CSNK1G1: variants seen among roughly 807,000 people sequenced by gnomAD.
The protein encoded by CSNK1G1 is casein kinase 1 gamma 1, also known as casein kinase I isoform gamma-1.
In CSNK1G1, 22 loss-of-function variants were observed where a neutral mutation model predicts 59.6. The observed-to-expected ratio is 0.37, with a 90% CI of 0.26 to 0.53. The LOEUF is 0.53. CSNK1G1 is among the 20% of genes least tolerant of loss of function. The probability of loss-of-function intolerance (pLI) is 0.89; values close to 1 mark genes in which losing one functional copy is unlikely to be tolerated. For synonymous variants in CSNK1G1, 179 were observed against 177.1 expected, an observed-to-expected ratio of 1.01 and a Z score of -0.08; for missense variants, 384 against 519.5, an observed-to-expected ratio of 0.74 and a Z score of 2.54.
At chr15:64,295,416 C>T (rs193182097) in intron 2 of CSNK1G1, among the ~76,000 whole-genome samples, 1 of 152,254 alleles carries the variant, frequency 6.6e-6, no homozygotes, top group Admixed American at 6.5e-5. Flanking sequence ...TGACTTCTTC[C>T]CATCAAATAA....
intron 1 of CSNK1G1, chr15:64,315,836 C>T (rs1169024522): frequency 3.9e-5 from 6 of 152,150 alleles, no homozygotes; most frequent in South Asian, 2.1e-4. Flanking sequence ...ATTCCTCCCT[C>T]GAGAGACTTA....
intron 2 of CSNK1G1, among the ~76,000 whole-genome samples, chr15:64,298,232 A>G (rs1235636163): frequency 6.6e-6 from 1 of 152,234 alleles, no homozygotes; most frequent in Admixed American, 6.5e-5. Flanking sequence ...ACAGATTTCC[A>G]CTTTTAATTC....
At chr15:64,211,783 A>G (rs528722796) in intron 6 of CSNK1G1, among the ~76,000 whole-genome samples, 48 of 152,302 alleles carry the variant, frequency 3.2e-4, no homozygotes, top group South Asian at 1.0e-3. Context: ...CAGGATTTGC[A>G]TCCTTTTTCT....
chr15:64,196,795 T>G (rs976992207), intron 10 of CSNK1G1, among the ~76,000 whole-genome samples: 13 of 130,174 alleles, frequency 1.0e-4, no homozygotes, highest in African/African-American at 4.5e-4. Flanking sequence ...TCTGTGTGTG[T>G]TTTTTTTTTT....
intron 2 of CSNK1G1, 124 bp from the exon 3 acceptor site, chr15:64,259,365 T>C: frequency 1.5e-6 from 1 of 647,292 alleles, no homozygotes; most frequent in Non-Finnish European, 2.6e-6. Flanking sequence ...AAATGAAACT[T>C]GATTTATAAG....
At chr15:64,238,319 T>A in intron 4 of CSNK1G1, among the ~76,000 whole-genome samples, 1 of 150,572 alleles carries the variant, frequency 6.6e-6, no homozygotes, top group African/African-American at 2.4e-5. Context: ...CAAGATCCCA[T>A]CTCTATAAAA....
At chr15:64,250,215 C>T (rs1344812589) in intron 4 of CSNK1G1, among the ~76,000 whole-genome samples, 1 of 152,082 alleles carries the variant, frequency 6.6e-6, no homozygotes, top group Non-Finnish European at 1.5e-5. Context: ...AAATCTTATG[C>T]CAAAAACACT....
chr15:64,243,952 T>C (rs954077764), intron 4 of CSNK1G1, among the ~76,000 whole-genome samples: 4 of 151,946 alleles, frequency 2.6e-5, no homozygotes, highest in Non-Finnish European at 4.4e-5. Context: ...GTGGATCACC[T>C]GAGGTCAGGA....
chr15:64,199,112 G>A lies in CSNK1G1; in HGVS notation c.1107+3970C>T, dbSNP rs1365754578. On this transcript the variant is annotated intron_variant, in intron 10 of 11. Coordinates refer to ENST00000303052, the MANE Select transcript of CSNK1G1 (RefSeq NM_022048.5). ...AAAAAAAAAAAAAAATTAGCTGGGC[G>A]TGGTGGCGTGTGCCTGTAGTCCCAG... Among the ~76,000 whole-genome samples, 6 of 150,784 alleles carry A rather than the reference G, an allele frequency of 4.0e-5. No homozygotes were observed. The East Asian group carries it at 7.7e-4, about 19-fold the overall frequency.
chr15:64,229,411 T>A (rs2082509739), intron 4 of CSNK1G1, among the ~76,000 whole-genome samples: 2 of 152,228 alleles, frequency 1.3e-5, no homozygotes, highest in Non-Finnish European at 2.9e-5. Flanking sequence ...TCTATCTGCC[T>A]GCCTGGGAAA....
rs941608961 is a variant in CSNK1G1 at position 64,167,909 on chromosome 15, C to T, written c.*4022G>A. On this transcript the variant is annotated 3_prime_UTR_variant, in exon 12 of 12. Coordinates refer to ENST00000303052, the MANE Select transcript of CSNK1G1 (RefSeq NM_022048.5). The stretch of plus-strand genomic sequence containing the variant: ...TATCTTTTACATAAAAAAGTTAAGG[C>T]TATAATCTTTAGTAACCACTTTGAC... The T allele has an allele frequency of 2.0e-5, 3 of 152,210 alleles. No individual in the cohort carries two copies. The highest frequency in any genetic ancestry group is 7.2e-5 in the African/African-American group (3 of 41,460). 9.4% of individuals were successfully genotyped at this position (152,210 alleles called of 1,614,324 possible). A position where few individuals can be genotyped will look rare whatever the true frequency, so the allele number is the denominator to read the frequency against.
intron 10 of CSNK1G1, among the ~76,000 whole-genome samples, chr15:64,197,872 G>A (rs2082056902): frequency 6.6e-6 from 1 of 152,024 alleles, no homozygotes; most frequent in Non-Finnish European, 1.5e-5. Context: ...TTGTCTCCTA[G>A]GACTCCTTTA....
intron 4 of CSNK1G1, among the ~76,000 whole-genome samples, chr15:64,227,558 T>C (rs1277902008): frequency 6.6e-6 from 1 of 152,218 alleles, no homozygotes; most frequent in Non-Finnish European, 1.5e-5. Flanking sequence ...AATCATCTAA[T>C]ATGAAAGGAA....
At chr15:64,185,769 G>A (rs1478290200) in intron 10 of CSNK1G1, among the ~76,000 whole-genome samples, 1 of 151,492 alleles carries the variant, frequency 6.6e-6, no homozygotes, top group Non-Finnish European at 1.5e-5. Context: ...GAGGCTGACA[G>A]GAGAATCGCT....
intron 3 of CSNK1G1, among the ~76,000 whole-genome samples, chr15:64,257,068 T>A (rs748316533): frequency 2.6e-5 from 4 of 151,864 alleles, no homozygotes; most frequent in Non-Finnish European, 5.9e-5. Context: ...TGAAAGCCTG[T>A]AGACAAAACT....
intron 2 of CSNK1G1, among the ~76,000 whole-genome samples, chr15:64,291,416 A>G (rs1348312762): frequency 1.3e-5 from 2 of 151,968 alleles, no homozygotes; most frequent in Non-Finnish European, 2.9e-5. Context: ...GTGAAACCCC[A>G]TCTTTACTAA....
At chr15:64,310,706 C>G (rs935773561) in intron 1 of CSNK1G1, among the ~76,000 whole-genome samples, 4 of 151,594 alleles carry the variant, frequency 2.6e-5, no homozygotes, top group Non-Finnish European at 5.9e-5. Flanking sequence ...AACACTCTGT[C>G]TCAAAAAAAA....
rs1431407187 is a variant in CSNK1G1 at position 64,255,252 on chromosome 15, TTTTTAGTAGAGACGAGG to T, written c.223-3688_223-3672del. Among the ~76,000 whole-genome samples, 6 of 152,248 alleles carry T rather than the reference TTTTTAGTAGAGACGAGG, an allele frequency of 3.9e-5. No homozygotes were observed. In the East Asian group the frequency reaches 9.7e-4, roughly 24 times the overall value. ...CCACCACACTCGGCTAATTTTTGTA[TTTTTAGTAGAGACGAGG>T]TTTTACCATATTGGCCAGGCTGGTC... On this transcript the variant is annotated intron_variant, in intron 3 of 11. Transcript: ENST00000303052.
At chr15:64,277,796 T>C (rs1893791196) in intron 2 of CSNK1G1, among the ~76,000 whole-genome samples, 1 of 135,484 alleles carries the variant, frequency 7.4e-6, no homozygotes, top group South Asian at 2.2e-4. Flanking sequence ...TTAATATTGA[T>C]ATATTTAATA....
Sources: allele counts gnomAD v4.1 joint callset (sites outside exome capture counted in the v4.1 genomes callset), GRCh38; gene constraint gnomAD v4.1.1; transcripts MANE v1.5; gene names NCBI Gene and HGNC (gene_info 2026-07-23, HGNC 2026-07-21).